ZNF148: variants seen among roughly 807,000 people sequenced by gnomAD.
The protein encoded by ZNF148 is Beta-Enolase Repressor Factor-1.
ZNF148 carries 7 observed loss-of-function variants against 67.7 expected under a neutral mutation model. That is an observed-to-expected ratio of 0.10 (90% CI 0.06 to 0.19). The LOEUF (loss-of-function observed/expected upper bound fraction) is 0.19, where lower values mean the gene tolerates loss of function less well. Ranked by LOEUF, ZNF148 falls within the 10% of genes least tolerant of loss-of-function variation. The pLI, the probability that ZNF148 is intolerant of heterozygous loss-of-function variation, is 1.00. For missense variants in ZNF148, 583 were observed against 947.1 expected (o/e 0.62, Z 5.05); for synonymous variants, 333 against 330.7 (o/e 1.01, Z -0.08).
chr3:125,308,914 T>C (rs184185455), intron 4 of ZNF148, among the ~76,000 whole-genome samples: 2 of 152,214 alleles, frequency 1.3e-5, no homozygotes, highest in South Asian at 2.1e-4. Context: ...CATTAATCAA[T>C]AGGGAAAAAG....
In ZNF148 at chr3:125,362,859, C is replaced by T. The variant is rs554114278; in HGVS notation, c.-234+12243G>A. Among the ~76,000 whole-genome samples the T allele has an allele frequency of 2.0e-5, 3 of 152,258 alleles. No individual in the cohort carries two copies. The East Asian group carries it at 5.8e-4, about 29-fold the overall frequency. ...TATGAGCTACCATGCTTGGCCAGTC[C>T]TTACCCTCTTTTTGGCAATGACACT... is the stretch of plus-strand genomic sequence containing the variant. On this transcript the variant is annotated intron_variant, in intron 1 of 8. Transcript: ENST00000360647.
chr3:125,301,695 A>T (rs772933010), intron 4 of ZNF148, among the ~76,000 whole-genome samples: 1 of 152,208 alleles, frequency 6.6e-6, no homozygotes, highest in Non-Finnish European at 1.5e-5. Context: ...CACTTGAGTA[A>T]AGGACTGTTA....
At chr3:125,288,292 T>C in intron 4 of ZNF148, 64 bp from the exon 5 acceptor site, 1 of 1,515,152 alleles carries the variant, frequency 6.6e-7, no homozygotes, top group Non-Finnish European at 8.9e-7. Context: ...CAAAAGGCCA[T>C]TTTATGTTTA....
chr3:125,238,713 G>A (rs1238855089), intron 7 of ZNF148, among the ~76,000 whole-genome samples: 3 of 152,154 alleles, frequency 2.0e-5, no homozygotes, highest in African/African-American at 2.4e-5. Flanking sequence ...GCACTTCCTC[G>A]AAAAGTTTAA....
At chr3:125,266,354 T>G (rs1020822841) in intron 7 of ZNF148, among the ~76,000 whole-genome samples, 2 of 152,082 alleles carry the variant, frequency 1.3e-5, no homozygotes, top group Admixed American at 1.3e-4. Context: ...TTCAAAAAAA[T>G]GGAAGTCATA....
chr3:125,295,979 G>A (rs1939260761), intron 4 of ZNF148, among the ~76,000 whole-genome samples: 1 of 151,904 alleles, frequency 6.6e-6, no homozygotes, highest in South Asian at 2.1e-4. Context: ...CAAAGGATTA[G>A]CAATTTCTAT....
intron 3 of ZNF148, among the ~76,000 whole-genome samples, chr3:125,320,324 T>G (rs528784572): frequency 2.0e-5 from 3 of 152,360 alleles, no homozygotes; most frequent in African/African-American, 7.2e-5. Flanking sequence ...CTGTACATTT[T>G]AAAATGAAAA....
At chr3:125,329,140 A>G (rs1007850967) in intron 2 of ZNF148, among the ~76,000 whole-genome samples, 2 of 150,752 alleles carry the variant, frequency 1.3e-5, no homozygotes, top group African/African-American at 2.4e-5. Flanking sequence ...TACACCTATC[A>G]TAATAAACAT....
At chr3:125,373,726 A>G (rs1357115024) in intron 1 of ZNF148, among the ~76,000 whole-genome samples, 1 of 152,158 alleles carries the variant, frequency 6.6e-6, no homozygotes, top group Admixed American at 6.5e-5. Flanking sequence ...GAATGAGAGT[A>G]TTCTCTCACT....
chr3:125,362,648 A>C (rs1351593884), intron 1 of ZNF148, among the ~76,000 whole-genome samples: 1 of 150,916 alleles, frequency 6.6e-6, no homozygotes, highest in African/African-American at 2.4e-5. Flanking sequence ...TCCGCCTCCC[A>C]AGCTCAAGTG....
intron 1 of ZNF148, among the ~76,000 whole-genome samples, chr3:125,333,121 A>G (rs951549769): frequency 2.6e-5 from 4 of 152,208 alleles, no homozygotes; most frequent in African/African-American, 9.6e-5. Flanking sequence ...TAACATCTAT[A>G]GACTGGACAA....
chr3:125,360,443 G>A (rs1316961924), intron 1 of ZNF148, among the ~76,000 whole-genome samples: 1 of 151,830 alleles, frequency 6.6e-6, no homozygotes, highest in African/African-American at 2.4e-5. Context: ...GCACCACCAT[G>A]CCCAGCTAAT....
At chr3:125,242,010 G>C (rs1936387791) in intron 7 of ZNF148, among the ~76,000 whole-genome samples, 1 of 152,170 alleles carries the variant, frequency 6.6e-6, no homozygotes, top group Admixed American at 6.5e-5. Context: ...TCTGCGAACT[G>C]TCTGCTCGTA....
rs1437056665 is a variant in ZNF148 at position 125,230,928 on chromosome 3, T to C, written c.*1413A>G. 3 of 152,422 alleles carry C rather than the reference T, an allele frequency of 2.0e-5. No individual in the cohort carries two copies. The highest frequency in any genetic ancestry group is 2.1e-4 in the South Asian group (1 of 4,822). The allele number at this position is 152,422 out of a possible 1,614,324, so 9.4% of individuals were successfully genotyped here. ...AACCATCATTCTTCAGAAAAGTGTG[T>C]GTGTGTATATATACATAAAAGCACT... On this transcript the variant is annotated 3_prime_UTR_variant, in exon 9 of 9. Coordinates refer to ENST00000360647, the MANE Select transcript of ZNF148 (RefSeq NM_021964.3).
intron 4 of ZNF148, among the ~76,000 whole-genome samples, chr3:125,312,141 C>A (rs184112001): frequency 3.3e-5 from 5 of 152,240 alleles, no homozygotes; most frequent in Admixed American, 1.3e-4. Flanking sequence ...ATCAAGAAAA[C>A]TATAGACTAA....
At chr3:125,361,829 T>C (rs1428659675) in intron 1 of ZNF148, among the ~76,000 whole-genome samples, 1 of 59,112 alleles carries the variant, frequency 1.7e-5, no homozygotes, top group Non-Finnish European at 3.2e-5. Context: ...CGAGACCCTG[T>C]CTCAAAAAAA....
chr3:125,236,757 G>A (rs1490700756), intron 7 of ZNF148, among the ~76,000 whole-genome samples: 1 of 152,128 alleles, frequency 6.6e-6, no homozygotes, highest in East Asian at 1.9e-4. Flanking sequence ...CCACACGGAC[G>A]GCTGCTGATG....
intron 4 of ZNF148, among the ~76,000 whole-genome samples, chr3:125,296,491 A>C (rs767574634): frequency 6.6e-6 from 1 of 152,158 alleles, no homozygotes; most frequent in Non-Finnish European, 1.5e-5. Flanking sequence ...TGTTCTTCCT[A>C]AATATAATAT....
intron 7 of ZNF148, among the ~76,000 whole-genome samples, chr3:125,267,067 C>A (rs1407971814): frequency 2.0e-5 from 3 of 147,092 alleles, no homozygotes; most frequent in Middle Eastern, 3.4e-3. Context: ...AACACACCAA[C>A]CAGGAAAGAA....
Sources: gnomAD v4.1 joint callset for allele counts (sites outside exome capture counted in the v4.1 genomes callset) on GRCh38, gnomAD v4.1.1 for gene constraint, MANE v1.5 for transcripts, NCBI Gene and HGNC (gene_info 2026-07-23, HGNC 2026-07-21) for gene names.